SAMD3: variants seen among roughly 807,000 people sequenced by gnomAD.
SAMD3 encodes the protein sterile alpha motif domain-containing protein 3.
Under a neutral mutation model 58.5 loss-of-function variants are expected in SAMD3, and 63 were observed. The observed-to-expected ratio is 1.08, with a 90% confidence interval of 0.88 to 1.33. The LOEUF (loss-of-function observed/expected upper bound fraction) is 1.33. SAMD3 is among the 40% of genes most tolerant of loss of function. The pLI, the probability that SAMD3 is intolerant of heterozygous loss-of-function variation, is 0.00. For missense variants in SAMD3, 604 were observed against 608.4 expected, an observed-to-expected ratio of 0.99 and a Z score of 0.08; for synonymous variants, 220 against 210.3, an observed-to-expected ratio of 1.05 and a Z score of -0.40.
intron 1 of SAMD3, among the ~76,000 whole-genome samples, chr6:130,351,910 G>T (rs1288000157): frequency 6.6e-6 from 1 of 152,128 alleles, no homozygotes; most frequent in Non-Finnish European, 1.5e-5. Context: ...CATGTCCTTT[G>T]TAGGGACATG....
At chr6:130,339,596 G>A (rs763738163) in intron 1 of SAMD3, among the ~76,000 whole-genome samples, 15 of 152,172 alleles carry the variant, frequency 9.9e-5, no homozygotes, top group Non-Finnish European at 1.8e-4. Context: ...GGCCTCCCCA[G>A]CCATGCAGAA....
At chr6:130,180,446 T>A (rs1792200962) in intron 7 of SAMD3, among the ~76,000 whole-genome samples, 1 of 151,960 alleles carries the variant, frequency 6.6e-6, no homozygotes, top group South Asian at 2.1e-4. Flanking sequence ...TTCTTATATA[T>A]GTTATGGTGT....
intron 1 of SAMD3, among the ~76,000 whole-genome samples, chr6:130,327,692 T>C (rs565601001): frequency 6.6e-6 from 1 of 152,340 alleles, no homozygotes; most frequent in Admixed American, 6.5e-5. Flanking sequence ...GTGGAACAGA[T>C]ATTGATATTA....
chr6:130,252,803 T>C (rs1289197397), intron 2 of SAMD3, among the ~76,000 whole-genome samples: 1 of 152,232 alleles, frequency 6.6e-6, no homozygotes, highest in Non-Finnish European at 1.5e-5. Context: ...GCTTCAGAGA[T>C]GCGCTCTGTG....
chr6:130,264,800 G>A (rs917912206), intron 2 of SAMD3, among the ~76,000 whole-genome samples: 5 of 152,030 alleles, frequency 3.3e-5, no homozygotes, highest in East Asian at 1.9e-4. Context: ...AACTCATGTC[G>A]GCCTCAGTCC....
At chr6:130,294,906 CTGATTTTTT>C (rs1414129188) in intron 2 of SAMD3, among the ~76,000 whole-genome samples, 17 of 90,714 alleles carry the variant, frequency 1.9e-4, no homozygotes, top group African/African-American at 6.1e-4. Context: ...ATACATTTCT[CTGATTTTTT>C]TTTTTTTTTT....
chr6:130,185,899 G>A (rs77265609), intron 5 of SAMD3, among the ~76,000 whole-genome samples: 6,987 of 152,016 alleles, frequency 0.046, 213 homozygotes, highest in African/African-American at 0.079. Flanking sequence ...CCAAAGTGTC[G>A]GGATTACAGG....
intron 2 of SAMD3, among the ~76,000 whole-genome samples, chr6:130,290,969 G>A (rs929270924): frequency 1.1e-4 from 17 of 152,138 alleles, no homozygotes; most frequent in Admixed American, 7.9e-4. Flanking sequence ...TGGATTTACC[G>A]AAACAGTCAC....
At chr6:130,215,821 A>C in intron 2 of SAMD3, 1 of 1,534,952 alleles carries the variant, frequency 6.5e-7, no homozygotes, top group Non-Finnish European at 8.7e-7. Context: ...GGCTAGGAGA[A>C]GGAGATTGTA....
chr6:130,313,077 A>G (rs1007190281), exon 2 of SAMD3: 4 of 152,200 alleles, frequency 2.6e-5, no homozygotes, highest in Non-Finnish European at 5.9e-5. Flanking sequence ...TGACTGAGTT[A>G]GAATCTCTTG....
At chr6:130,222,282 A>G (rs1044313148) in intron 1 of SAMD3, among the ~76,000 whole-genome samples, 1 of 152,236 alleles carries the variant, frequency 6.6e-6, no homozygotes, top group Non-Finnish European at 1.5e-5. Context: ...GTGCCATAGC[A>G]ATGGTCCGAA....
At chr6:130,230,106 G>T (rs1373417557) in intron 2 of SAMD3, among the ~76,000 whole-genome samples, 3 of 152,144 alleles carry the variant, frequency 2.0e-5, no homozygotes, top group African/African-American at 7.2e-5. Flanking sequence ...AATGGTTAAA[G>T]AAAATAACAC....
chr6:130,146,214 A>G, intron 9 of SAMD3, 33 bp from the exon 10 acceptor site: 1 of 1,386,276 alleles, frequency 7.2e-7, no homozygotes, highest in Non-Finnish European at 9.6e-7. Flanking sequence ...GATACATCAG[A>G]TCACAAGAAA....
chr6:130,322,091 T>C (rs949704357), intron 1 of SAMD3, among the ~76,000 whole-genome samples: 8 of 152,142 alleles, frequency 5.3e-5, no homozygotes, highest in South Asian at 4.1e-4. Context: ...AAAATCACTA[T>C]GGGAACTCAT....
rs569584659 is a variant in SAMD3 at position 130,308,461 on chromosome 6, T to A, written c.-188+4517A>T. 3.3e-5 allele frequency among the ~76,000 whole-genome samples: 5 copies of A among 151,486 alleles called. No homozygotes were observed. The South Asian group carries it at 1.0e-3, about 32-fold the overall frequency. On this transcript the variant is annotated intron_variant, in intron 2 of 13. Transcript: ENST00000368134. ...TTCTTTTGTGTGTGTGTGTAGGAAA[T>A]GTCCTTGGGGAGAAAGCTCATCTGT...
intron 2 of SAMD3, among the ~76,000 whole-genome samples, chr6:130,237,843 T>C (rs1485909566): frequency 1.3e-5 from 2 of 152,192 alleles, no homozygotes; most frequent in African/African-American, 4.8e-5. Context: ...GTTGTGAGAA[T>C]TCAGTGATTT....
intron 1 of SAMD3, among the ~76,000 whole-genome samples, chr6:130,345,115 G>A (rs1777404387): frequency 6.6e-6 from 1 of 152,280 alleles, no homozygotes; most frequent in Admixed American, 6.5e-5. Flanking sequence ...TACTTAATAT[G>A]TCTTTAATAA....
intron 5 of SAMD3, among the ~76,000 whole-genome samples, chr6:130,200,549 C>A (rs572504909): frequency 0.027 from 3,396 of 124,366 alleles, 66 homozygotes; most frequent in Non-Finnish European, 0.042. Context: ...ACTCTGTCCC[C>A]CGACCCACAA....
At chr6:130,252,477 A>G (rs1773771037) in intron 2 of SAMD3, among the ~76,000 whole-genome samples, 1 of 152,230 alleles carries the variant, frequency 6.6e-6, no homozygotes, top group South Asian at 2.1e-4. Flanking sequence ...AGAAAAAGAA[A>G]GAGTAAACCA....
Sources: gnomAD v4.1 joint callset for allele counts (sites outside exome capture counted in the v4.1 genomes callset) on GRCh38, gnomAD v4.1.1 for gene constraint, MANE v1.5 for transcripts, NCBI Gene and HGNC (gene_info 2026-07-23, HGNC 2026-07-21) for gene names.